Variants in MYLK4 observed in about 807,000 individuals in gnomAD.
MYLK4 encodes myosin light chain kinase family member 4.
In MYLK4, 46 loss-of-function variants were observed where a neutral mutation model predicts 48.1. That is an observed-to-expected ratio of 0.96 (90% confidence interval 0.75 to 1.22). The LOEUF is 1.22. Ranked by LOEUF, MYLK4 falls within the 50% of genes most tolerant of loss-of-function variation. The probability of loss-of-function intolerance (pLI) is 0.00; values close to 1 mark genes in which losing one functional copy is unlikely to be tolerated. For synonymous variants in MYLK4, 170 were observed against 180.8 expected, an observed-to-expected ratio of 0.94 and a Z score of 0.48; for missense variants, 451 against 486.1, an observed-to-expected ratio of 0.93 and a Z score of 0.68.
upstream of MYLK4, among the ~76,000 whole-genome samples, chr6:2,755,426 G>C (rs778558983): frequency 2.9e-4 from 44 of 152,106 alleles, no homozygotes; most frequent in Non-Finnish European, 4.0e-4. Flanking sequence ...TGTTTCTTGA[G>C]AAAAAAGACA....
chr6:2,677,955 G>A (rs919764397), intron 10 of MYLK4, among the ~76,000 whole-genome samples: 4 of 152,216 alleles, frequency 2.6e-5, no homozygotes, highest in Admixed American at 1.3e-4. Flanking sequence ...CATTTTGACA[G>A]TGAGTCAACT....
chr6:2,683,503 T>C (rs762650395), intron 6 of MYLK4, among the ~76,000 whole-genome samples: 12 of 151,552 alleles, frequency 7.9e-5, no homozygotes, highest in Non-Finnish European at 1.8e-4. Flanking sequence ...CACTGCAATC[T>C]CCGCCTCCCA....
chr6:2,741,371 C>A (rs1763895429), intron 2 of MYLK4, among the ~76,000 whole-genome samples: 1 of 151,984 alleles, frequency 6.6e-6, no homozygotes, highest in Non-Finnish European at 1.5e-5. Flanking sequence ...TCAGGGAGAG[C>A]AAATAAAGGT....
At chr6:2,693,180 T>G (rs1761882179) in intron 2 of MYLK4, among the ~76,000 whole-genome samples, 1 of 152,216 alleles carries the variant, frequency 6.6e-6, no homozygotes, top group African/African-American at 2.4e-5. Context: ...CAGAACAGTC[T>G]GAATTAATGA....
rs770794045 is a variant in MYLK4 at position 2,664,792 on chromosome 6, C to T, written c.*3133G>A. ...TGGCACTCAACAGACATGAGTGTTA[C>T]CAGCTTCAACCTAGAAATTGTTTCC... On this transcript the variant is annotated 3_prime_UTR_variant, in exon 13 of 13. Transcript: ENST00000274643. The T allele has an allele frequency of 1.3e-5, 2 of 152,122 alleles. No individual in the cohort carries two copies. Among genetic ancestry groups the T allele is most frequent in the Non-Finnish European group, 2.9e-5 (2 of 68,016 alleles). 9.4% of individuals were successfully genotyped at this position (152,122 alleles called of 1,614,324 possible). A position where few individuals can be genotyped will look rare whatever the true frequency, so the allele number is the denominator to read the frequency against.
chr6:2,740,236 C>T (rs1389525379), intron 2 of MYLK4, among the ~76,000 whole-genome samples: 1 of 152,178 alleles, frequency 6.6e-6, no homozygotes, highest in African/African-American at 2.4e-5. Flanking sequence ...AATAGGTGCA[C>T]CTCTCCTTGT....
chr6:2,681,892 A>G (rs1561835546), intron 7 of MYLK4, among the ~76,000 whole-genome samples: 3 of 152,252 alleles, frequency 2.0e-5, no homozygotes, highest in African/African-American at 7.2e-5. Context: ...CCCTGTAGGG[A>G]TATCTGCAGA....
intron 2 of MYLK4, among the ~76,000 whole-genome samples, chr6:2,730,882 C>T (rs878861156): frequency 1.3e-5 from 2 of 152,178 alleles, no homozygotes; most frequent in Admixed American, 1.3e-4. Flanking sequence ...GAAAGGGCCA[C>T]TGTGTCCAGG....
chr6:2,679,446 C>T (rs745879140), intron 8 of MYLK4, 38 bp from the exon 9 acceptor site: 21 of 1,613,380 alleles, frequency 1.3e-5, no homozygotes, highest in Non-Finnish European at 1.5e-5. Flanking sequence ...ATGGACGTGT[C>T]GATCAAAAAT....
chr6:2,683,253 C>A, intron 6 of MYLK4, 91 bp from the exon 7 acceptor site: 1 of 1,414,156 alleles, frequency 7.1e-7, no homozygotes, highest in Non-Finnish European at 9.8e-7. Flanking sequence ...AGTTCTGCTA[C>A]CTCTTCTGAA....
At chr6:2,709,075 C>T (rs1350485942) in intron 2 of MYLK4, among the ~76,000 whole-genome samples, 7 of 152,114 alleles carry the variant, frequency 4.6e-5, no homozygotes, top group East Asian at 1.9e-4. Flanking sequence ...CCACTTTGGC[C>T]ATCATAACCC....
chr6:2,707,350 T>A (rs1186418759), intron 2 of MYLK4, among the ~76,000 whole-genome samples: 1 of 152,230 alleles, frequency 6.6e-6, no homozygotes, highest in Non-Finnish European at 1.5e-5. Context: ...TAACAATCAC[T>A]GTAAAATTTT....
the MYLK4 span, among the ~76,000 whole-genome samples, chr6:2,763,689 C>T: frequency 0.39 from 58,847 of 152,188 alleles, 11,696 homozygotes; most frequent in Non-Finnish European, 0.41. Context: ...CAGCTCCGGC[C>T]TTGGCCCGCC....
At chr6:2,765,907 G>C in the MYLK4 span, 1 of 1,455,084 alleles carries the variant, frequency 6.9e-7, no homozygotes, top group Non-Finnish European at 9.1e-7. Flanking sequence ...GCGAGGGCGA[G>C]GGTGAGGAGG....
chr6:2,742,233 G>A (rs936447841), intron 2 of MYLK4, among the ~76,000 whole-genome samples: 74 of 152,266 alleles, frequency 4.9e-4, no homozygotes, highest in African/African-American at 8.7e-4. Context: ...AAAGGTCCCC[G>A]GGAAAGGCGC....
chr6:2,767,576 A>G, the MYLK4 span, among the ~76,000 whole-genome samples: 1 of 152,246 alleles, frequency 6.6e-6, no homozygotes, highest in Admixed American at 6.5e-5. Context: ...ACATCTTATG[A>G]TGATGGTGGT....
intron 2 of MYLK4, among the ~76,000 whole-genome samples, chr6:2,701,946 C>G (rs1253627448): frequency 6.6e-6 from 1 of 152,224 alleles, no homozygotes; most frequent in Non-Finnish European, 1.5e-5. Context: ...CTATTTACAT[C>G]TTGCCTCCAT....
At position 2,683,014 on chromosome 6, in the gene MYLK4, C is replaced by G; in HGVS notation, c.687+7G>C. Reference sequence around the variant, plus strand: ...CTTACGTCTCACAGGATACAAAACACCCTTACCTTCAGGTCCAAGTGGAGA... The same window carrying G: ...CTTACGTCTCACAGGATACAAAACAGCCTTACCTTCAGGTCCAAGTGGAGA... On this transcript the variant is annotated splice_region_variant and intron_variant, in intron 7 of 12. Coordinates refer to ENST00000274643, the MANE Select transcript of MYLK4 (RefSeq NM_001012418.5). The G allele has an allele frequency of 1.2e-6, 2 of 1,614,136 alleles. No individual in the cohort carries two copies. Among genetic ancestry groups the G allele is most frequent in the Middle Eastern group, 1.6e-4 (1 of 6,062 alleles).
At position 2,678,219 on chromosome 6, in the gene MYLK4, C is replaced by T; in HGVS notation, c.1040+1G>A. ...CGGAGCACAGGACGAACTTGCGTTA[C>T]CTCTTCTCCTTAATCAGAAGCTTAG... On this transcript the variant is annotated splice_donor_variant, in intron 10 of 12. Transcript: ENST00000274643. LOFTEE classifies it high-confidence loss of function. 2 of 1,613,844 alleles carry T rather than the reference C, an allele frequency of 1.2e-6. No individual in the cohort carries two copies. The highest frequency in any genetic ancestry group is 1.7e-6 in the Non-Finnish European group (2 of 1,179,902).
Sources: gnomAD v4.1 joint callset for allele counts (sites outside exome capture counted in the v4.1 genomes callset) on GRCh38, gnomAD v4.1.1 for gene constraint, MANE v1.5 for transcripts, NCBI Gene and HGNC (gene_info 2026-07-23, HGNC 2026-07-21) for gene names.